Variants in PAG1 observed in about 807,000 individuals in gnomAD.
The protein encoded by PAG1 is phosphoprotein associated with glycosphingolipid-enriched microdomains 1.
A neutral mutation model predicts 31.7 loss-of-function variants in PAG1; 23 were observed. The observed-to-expected ratio is 0.73, with a 90% CI of 0.52 to 1.03. PAG1 has a LOEUF of 1.03. Ranked by LOEUF, PAG1 falls within the 50% of genes least tolerant of loss-of-function variation. The pLI is 0.00. For synonymous variants in PAG1, 214 were observed against 210.3 expected (o/e 1.02, Z -0.15); for missense variants, 473 against 540.7 (o/e 0.87, Z 1.24).
At chr8:81,084,183 T>C (rs959434677) in intron 1 of PAG1, among the ~76,000 whole-genome samples, 2 of 152,214 alleles carry the variant, frequency 1.3e-5, no homozygotes, top group Non-Finnish European at 2.9e-5. Context: ...CTTCTTACGT[T>C]TGTTTTATGA....
intron 1 of PAG1, among the ~76,000 whole-genome samples, chr8:81,082,891 G>T (rs746358719): frequency 2.6e-5 from 4 of 151,044 alleles, no homozygotes; most frequent in Non-Finnish European, 5.9e-5. Flanking sequence ...TGTCATTTTG[G>T]TGCTGGCCTC....
chr8:80,996,800 G>A (rs1005678937), intron 3 of PAG1, among the ~76,000 whole-genome samples: 3 of 152,226 alleles, frequency 2.0e-5, no homozygotes, highest in African/African-American at 7.2e-5. Flanking sequence ...TTTTGAGTGA[G>A]GGGAAGGTGG....
chr8:81,007,636 CAAA>C (rs58612249), intron 3 of PAG1, among the ~76,000 whole-genome samples: 27 of 49,730 alleles, frequency 5.4e-4, no homozygotes, highest in Non-Finnish European at 8.4e-4. Flanking sequence ...GACTCTGTCT[CAAA>C]AAAAAAAAAA....
chr8:81,039,141 C>CTGTG (rs146818284), intron 2 of PAG1, among the ~76,000 whole-genome samples: 6 of 151,544 alleles, frequency 4.0e-5, no homozygotes, highest in South Asian at 2.1e-4. Context: ...ATCTTATACT[C>CTGTG]TGTGTGTGTG....
At chr8:81,104,843 C>G (rs1315607715) in intron 1 of PAG1, among the ~76,000 whole-genome samples, 3 of 151,926 alleles carry the variant, frequency 2.0e-5, no homozygotes, top group Non-Finnish European at 4.4e-5. Flanking sequence ...TGTAATATAC[C>G]CAGAGTGATC....
intron 2 of PAG1, among the ~76,000 whole-genome samples, chr8:81,040,999 C>T (rs899175237): frequency 2.0e-5 from 3 of 152,144 alleles, no homozygotes; most frequent in African/African-American, 7.2e-5. Context: ...CAAATGCTCG[C>T]GAGGGTAACA....
chr8:81,011,847 A>G (rs1207401489), intron 3 of PAG1, among the ~76,000 whole-genome samples: 3 of 152,222 alleles, frequency 2.0e-5, no homozygotes, highest in African/African-American at 4.8e-5. Flanking sequence ...GCTGGCTCCA[A>G]GCTTCTGGTA....
chr8:81,011,274 ACGGGAGAGACCTGG>A (rs1268723028), intron 3 of PAG1, among the ~76,000 whole-genome samples: 2 of 152,200 alleles, frequency 1.3e-5, no homozygotes, highest in Admixed American at 1.3e-4. Context: ...GCCACATGTT[ACGGGAGAGACCTGG>A]CGGGAGATAA....
chr8:81,053,972 T>C (rs944402256), intron 2 of PAG1, among the ~76,000 whole-genome samples: 9 of 152,156 alleles, frequency 5.9e-5, no homozygotes, highest in African/African-American at 1.7e-4. Context: ...TCTGACACTA[T>C]TGCACGAAAG....
chr8:81,099,684 C>T (rs1809580851), intron 1 of PAG1, among the ~76,000 whole-genome samples: 2 of 152,116 alleles, frequency 1.3e-5, no homozygotes, highest in Admixed American at 1.3e-4. Context: ...AGAAAGCAAG[C>T]AATAGAAAGA....
At position 80,974,968 on chromosome 8, in the gene PAG1, A is replaced by C. The variant is rs919658225; in HGVS notation, c.*1576T>G. On this transcript the variant is annotated 3_prime_UTR_variant, in exon 9 of 9. Coordinates refer to ENST00000220597, the MANE Select transcript of PAG1 (RefSeq NM_018440.4). ...TTACTCTGAGCTATTTCAGCCACTG[A>C]TGTTTGTAAAATATAGGAAGAAGAT... 1.3e-5 allele frequency: 2 copies of C among 152,236 alleles called. No homozygotes were observed. The highest frequency in any genetic ancestry group is 2.9e-5 in the Non-Finnish European group (2 of 68,042). 9.4% of individuals were successfully genotyped at this position (152,236 alleles called of 1,614,324 possible).
intron 3 of PAG1, among the ~76,000 whole-genome samples, chr8:80,998,418 A>C (rs1037730064): frequency 6.6e-6 from 1 of 151,960 alleles, no homozygotes; most frequent in Non-Finnish European, 1.5e-5. Context: ...GTGAACCACC[A>C]TGACCGGCCA....
intron 5 of PAG1, among the ~76,000 whole-genome samples, chr8:80,988,866 C>A (rs1265958383): frequency 6.6e-6 from 1 of 151,556 alleles, no homozygotes; most frequent in South Asian, 2.1e-4. Context: ...GAACAATATG[C>A]CTGGCTCAGC....
rs75284633 is a variant in PAG1, at chr8:81,042,432, A to G, written c.-174-12343T>C. On this transcript the variant is annotated intron_variant, in intron 2 of 8. Transcript: ENST00000220597. ...TTTTCAAGCTTTCTGCTATGTTAAC[A>G]TTACCTTTAACACACTTTTTTTCTG... is the stretch of plus-strand genomic sequence containing the variant. Among the ~76,000 whole-genome samples, 10 of 152,318 alleles carry G rather than the reference A, an allele frequency of 6.6e-5. No individual in the cohort carries two copies. The East Asian group carries it at 1.7e-3, about 26-fold the overall frequency.
At chr8:81,084,137 T>C (rs1304535343) in intron 1 of PAG1, among the ~76,000 whole-genome samples, 2 of 152,200 alleles carry the variant, frequency 1.3e-5, no homozygotes, top group Non-Finnish European at 2.9e-5. Flanking sequence ...TTGAGGTCTA[T>C]AGATATTCTG....
Position 81,081,886 on chromosome 8 carries a change from T to G in PAG1, c.-233-11716A>C, listed in dbSNP as rs192021222. 9.8e-4 allele frequency among the ~76,000 whole-genome samples: 150 copies of G among 152,312 alleles called. 2 individuals are homozygous for G. The highest frequency in any genetic ancestry group is 3.5e-3 in the African/African-American group (145 of 41,572). Reference sequence around the variant, plus strand: ...TTACAAATAAGGTTGCTATAAGCATTAATACACAGGTTTTTGTGAGAATGT... The same window carrying G: ...TTACAAATAAGGTTGCTATAAGCATGAATACACAGGTTTTTGTGAGAATGT... On this transcript the variant is annotated intron_variant, in intron 1 of 8. Coordinates refer to ENST00000220597, the MANE Select transcript of PAG1 (RefSeq NM_018440.4).
intron 1 of PAG1, among the ~76,000 whole-genome samples, chr8:81,108,488 A>G (rs1437839847): frequency 6.6e-6 from 1 of 152,184 alleles, no homozygotes; most frequent in African/African-American, 2.4e-5. Flanking sequence ...ATTCAGTGTT[A>G]GCATACATTA....
At position 80,995,009 on chromosome 8, in the gene PAG1, AG is replaced by A. The variant is rs1807641113; in HGVS notation, c.-80-1703del. On this transcript the variant is annotated intron_variant, in intron 3 of 8. Coordinates refer to ENST00000220597, the MANE Select transcript of PAG1 (RefSeq NM_018440.4). ...CCCTGAGCACAGACATCAAGACGGC[AG>A]GGGTGGCTTCGCAGCAAACCAGGGT... Among the ~76,000 whole-genome samples, 4 of 152,358 alleles carry A rather than the reference AG, an allele frequency of 2.6e-5. No individual in the cohort carries two copies. The South Asian group carries it at 8.3e-4, about 32-fold the overall frequency.
chr8:81,000,004 T>C (rs900990283), intron 3 of PAG1, among the ~76,000 whole-genome samples: 1 of 152,074 alleles, frequency 6.6e-6, no homozygotes. Context: ...GCGCTTCTAT[T>C]TGGGCTAATG....
Sources: gnomAD v4.1 joint callset for allele counts (sites outside exome capture counted in the v4.1 genomes callset) on GRCh38, gnomAD v4.1.1 for gene constraint, MANE v1.5 for transcripts, NCBI Gene and HGNC (gene_info 2026-07-23, HGNC 2026-07-21) for gene names.